The following IFNLR1 variants were observed in gnomAD, a reference collection of about 807,000 sequenced individuals.
The protein encoded by IFNLR1 is interferon lambda receptor 1.
In IFNLR1, 28 loss-of-function variants were observed where a neutral mutation model predicts 52.5. That is an observed-to-expected ratio of 0.53 (90% CI 0.40 to 0.73). The LOEUF is 0.73. IFNLR1 is among the 30% of genes least tolerant of loss of function. The pLI, the probability that IFNLR1 is intolerant of heterozygous loss-of-function variation, is 0.00. For missense variants in IFNLR1, 623 were observed against 659.1 expected, an observed-to-expected ratio of 0.95 and a Z score of 0.60; for synonymous variants, 276 against 274.9, an observed-to-expected ratio of 1.00 and a Z score of -0.04.
chr1:24,180,732 T>C lies in IFNLR1; in HGVS notation c.181A>G (p.Ser61Gly), dbSNP rs752330541. 6.1e-6 allele frequency: 8 copies of C among 1,319,866 alleles called. No individual in the cohort carries two copies. Among genetic ancestry groups the C allele is most frequent in the Non-Finnish European group, 7.0e-6 (7 of 997,590 alleles). 81.8% of individuals were successfully genotyped at this position (1,319,866 alleles called of 1,614,324 possible). The change falls in exon 2 of 7, where the codon AGC becomes GGC. Residue 61 changes from serine (S) to glycine (G), a missense_variant and splice_region_variant. Coordinates refer to ENST00000327535, the MANE Select transcript of IFNLR1 (RefSeq NM_170743.4). ...QDVTYFVAYQ[S>G]SPTRRRWREV... ...ACCAGCCGAGAGAGTCCCCTCTACC[T>C]CTGATAGGCCACAAAATAGGTCACA...
At chr1:24,187,156 T>C in intron 1 of IFNLR1, 35 bp downstream of exon 1, 1 of 1,335,546 alleles carries the variant, frequency 7.5e-7, no homozygotes, top group Non-Finnish European at 9.8e-7. Flanking sequence ...CGGGGAGCCC[T>C]CTTCCCCCTC....
intron 2 of IFNLR1, 100 bp from the exon 3 acceptor site, chr1:24,169,701 T>A: frequency 8.0e-7 from 1 of 1,256,436 alleles, no homozygotes; most frequent in Non-Finnish European, 1.1e-6. Flanking sequence ...TTGGCTGGAC[T>A]GACTTTAGGT....
intron 2 of IFNLR1, among the ~76,000 whole-genome samples, chr1:24,178,109 A>AC (rs1644653421): frequency 6.6e-6 from 1 of 152,000 alleles, no homozygotes; most frequent in Non-Finnish European, 1.5e-5. Context: ...ACATGGTGAA[A>AC]CCCCGTCTCT....
Position 24,187,211 on chromosome 1 carries a change from C to A in IFNLR1, c.38G>T (p.Cys13Phe). 2 of 1,321,738 alleles carry A rather than the reference C, an allele frequency of 1.5e-6. No homozygotes were observed. The highest frequency in any genetic ancestry group is 1.9e-6 in the Non-Finnish European group (2 of 1,036,188). 81.9% of individuals were successfully genotyped at this position (1,321,738 alleles called of 1,614,324 possible). A position where few individuals can be genotyped will look rare whatever the true frequency, so the allele number is the denominator to read the frequency against. Residue 13 changes from cysteine (C) to phenylalanine (F), a missense_variant, in exon 1 of 7, where the codon TGC becomes TTC. Cys to Phe is a radical substitution (Grantham distance 205). Coordinates refer to ENST00000327535, the MANE Select transcript of IFNLR1 (RefSeq NM_170743.4). ...GPERWGPLLL[C>F]LLQAAPGRPR... ...CTTACCTGGAGCGGCCTGCAGCAGG[C>A]ACAGGAGCAGGGGGCCCCAGCGCTC... is the stretch of plus-strand genomic sequence containing the variant.
At chr1:24,162,200 A>C (rs897648928) in intron 3 of IFNLR1, among the ~76,000 whole-genome samples, 9 of 152,194 alleles carry the variant, frequency 5.9e-5, no homozygotes, top group African/African-American at 2.2e-4. Context: ...GGTTGTCAGC[A>C]AAACTTAGTT....
chr1:24,163,567 C>T (rs1447126216), intron 3 of IFNLR1, among the ~76,000 whole-genome samples: 1 of 145,962 alleles, frequency 6.9e-6, no homozygotes, highest in Non-Finnish European at 1.5e-5. Context: ...CACCCAAAAT[C>T]CACATCTCTT....
intron 6 of IFNLR1, 154 bp downstream of exon 6, chr1:24,158,898 A>AT: frequency 1.2e-6 from 1 of 821,526 alleles, no homozygotes; most frequent in Non-Finnish European, 2.0e-6. Context: ...AAATGAATGC[A>AT]TTACTAATGG....
intron 3 of IFNLR1, among the ~76,000 whole-genome samples, chr1:24,166,901 A>G (rs146436754): frequency 3.3e-5 from 5 of 152,172 alleles, no homozygotes; most frequent in South Asian, 2.1e-4. Context: ...TTATGTGTCA[A>G]TTTAGCTGCA....
In IFNLR1 at chr1:24,177,030, C is replaced by T. The variant is rs553292408; in HGVS notation, c.182+3701G>A. ...AAAACTATAATTTAAGAAAACCTTC[C>T]TAAAATAAAAATGCCTTGGAACCAT... On this transcript the variant is annotated intron_variant, in intron 2 of 6. Transcript: ENST00000327535. 2.0e-5 allele frequency among the ~76,000 whole-genome samples: 3 copies of T among 152,108 alleles called. No individual in the cohort carries two copies. In the South Asian group the frequency reaches 6.2e-4, roughly 32 times the overall value.
chr1:24,186,872 C>T (rs957678554), intron 1 of IFNLR1, among the ~76,000 whole-genome samples: 1 of 152,186 alleles, frequency 6.6e-6, no homozygotes, highest in Non-Finnish European at 1.5e-5. Context: ...GGGATCAGTG[C>T]TTTCTTTAGG....
Position 24,187,286 on chromosome 1 carries a change from C to CCCCGCCTCCCGCCT in IFNLR1, c.-39_-38insAGGCGGGAGGCGGG. 1 of 1,225,234 alleles carries CCCCGCCTCCCGCCT rather than the reference C, an allele frequency of 8.2e-7. No homozygotes were observed. The highest frequency in any genetic ancestry group is 1.0e-6 in the Non-Finnish European group (1 of 972,600). The allele number at this position is 1,225,234 out of a possible 1,614,324, so 75.9% of individuals were successfully genotyped here. On this transcript the variant is annotated 5_prime_UTR_variant, in exon 1 of 7. Coordinates refer to ENST00000327535, the MANE Select transcript of IFNLR1 (RefSeq NM_170743.4). Reference sequence around the variant, plus strand: ...GCGGCGTCCCCGCCCGGGCCCAGGTCCCCGCCTCCCGCCTCCCGCCTCCCG... The same window carrying CCCCGCCTCCCGCCT: ...GCGGCGTCCCCGCCCGGGCCCAGGTCCCCGCCTCCCGCCTCCCGCCTCCCGCCTCCCGCCTCCCG...
At chr1:24,161,449 G>T in intron 4 of IFNLR1, 93 bp downstream of exon 4, 1 of 1,400,636 alleles carries the variant, frequency 7.1e-7, no homozygotes, top group Non-Finnish European at 9.9e-7. Flanking sequence ...CCTGGAGGAG[G>T]GGTGCAGGAG....
chr1:24,161,441 TGGA>T (rs1422272593), intron 4 of IFNLR1, 98 bp downstream of exon 4: 1 of 1,363,364 alleles, frequency 7.3e-7, no homozygotes, highest in African/African-American at 1.4e-5. Flanking sequence ...GAAGACTTCC[TGGA>T]GGAGGGGTGC....
chr1:24,179,870 A>G (rs1020627377), intron 2 of IFNLR1, among the ~76,000 whole-genome samples: 3 of 151,844 alleles, frequency 2.0e-5, no homozygotes, highest in Non-Finnish European at 4.4e-5. Flanking sequence ...CTATCATCTC[A>G]CTGTCCTGCT....
Position 24,162,876 on chromosome 1 carries a change from T to TTTCTTTCTTTCCTTCC in IFNLR1, c.368-1193_368-1192insGGAAGGAAAGAAAGAA, listed in dbSNP as rs1553162229. On this transcript the variant is annotated intron_variant, in intron 3 of 6. Transcript: ENST00000327535. ...CTTTCTTTCTTTCTTTCTTTCTTTC[T>TTTCTTTCTTTCCTTCC]TTCCTTCCTTCCTTCCTTCCTTCCT... Among the ~76,000 whole-genome samples the TTTCTTTCTTTCCTTCC allele has an allele frequency of 2.7e-4, 6 of 22,590 alleles. 2 individuals carry two copies. The highest frequency in any genetic ancestry group is 5.4e-4 in the Admixed American group (1 of 1,838). 14.8% of individuals were successfully genotyped at this position (22,590 alleles called of 152,430 possible).
rs115777784 is a variant in IFNLR1, at chr1:24,186,617, G to A, written c.58+574C>T. On this transcript the variant is annotated intron_variant, in intron 1 of 6. Transcript: ENST00000327535. ...GTGAGGTTTGGTGGTTGGGTCCTACGGCGAGGAATTTTGTACCTGACACCT... is the reference window on the plus strand; with the variant it reads ...GTGAGGTTTGGTGGTTGGGTCCTACAGCGAGGAATTTTGTACCTGACACCT... Among the ~76,000 whole-genome samples, 725 of 152,146 alleles carry A rather than the reference G, an allele frequency of 4.8e-3. 6 individuals are homozygous for A. The highest frequency in any genetic ancestry group is 0.017 in the African/African-American group (695 of 41,492).
rs957792876 is a variant in IFNLR1 at position 24,187,168 on chromosome 1, C to T, written c.58+23G>A. 9 of 1,360,142 alleles carry T rather than the reference C, an allele frequency of 6.6e-6. No homozygotes were observed. The African/African-American group carries it at 1.2e-4, about 18-fold the overall frequency. The allele number at this position is 1,360,142 out of a possible 1,614,324, so 84.3% of individuals were successfully genotyped here. A position where few individuals can be genotyped will look rare whatever the true frequency, so the allele number is the denominator to read the frequency against. On this transcript the variant is annotated intron_variant, in intron 1 of 6. Coordinates refer to ENST00000327535, the MANE Select transcript of IFNLR1 (RefSeq NM_170743.4). ...GCCCGGGGAGCCCTCTTCCCCCTCC[C>T]TCCCGCGGCCCCGCGCCCTTACCTG...
At chr1:24,158,452 G>C (rs1220694164) in intron 6 of IFNLR1, among the ~76,000 whole-genome samples, 1 of 152,154 alleles carries the variant, frequency 6.6e-6, no homozygotes, top group Non-Finnish European at 1.5e-5. Flanking sequence ...TGCTCCCTTT[G>C]CCACCCTGCC....
rs1224718184 is a variant in IFNLR1, at chr1:24,162,506, A to G, written c.368-822T>C. On this transcript the variant is annotated intron_variant, in intron 3 of 6. Coordinates refer to ENST00000327535, the MANE Select transcript of IFNLR1 (RefSeq NM_170743.4). The stretch of plus-strand genomic sequence containing the variant: ...ATGTCTCAGTCTATTTTGTGTTGTT[A>G]TTACAGAATATCACAGGCTGGGTAA... 2.6e-5 allele frequency among the ~76,000 whole-genome samples: 4 copies of G among 152,214 alleles called. No homozygotes were observed. In the East Asian group the frequency reaches 7.7e-4, roughly 29 times the overall value.
Sources: gnomAD v4.1 joint callset for allele counts (sites outside exome capture counted in the v4.1 genomes callset) on GRCh38, gnomAD v4.1.1 for gene constraint, MANE v1.5 for transcripts, NCBI Gene and HGNC (gene_info 2026-07-23, HGNC 2026-07-21) for gene names.